The following CHRNA5 variants were observed in gnomAD, a reference collection of about 807,000 sequenced individuals.
CHRNA5 encodes cholinergic receptor nicotinic alpha 5 subunit, also known as neuronal acetylcholine receptor subunit alpha-5.
In CHRNA5, 28 loss-of-function variants were observed where a neutral mutation model predicts 41.2. The ratio of observed to expected loss-of-function variants is 0.68; its 90% confidence interval spans 0.50 to 0.93. The LOEUF is 0.93. Among genes scored for constraint, CHRNA5 ranks in the 40% least tolerant of loss-of-function variants. CHRNA5 has a pLI of 0.00. For missense variants in CHRNA5, 481 were observed against 581.9 expected (o/e 0.83, Z 1.78); for synonymous variants, 188 against 205.8 (o/e 0.91, Z 0.74).
At chr15:78,580,784 A>G in intron 1 of CHRNA5, 27 bp from the exon 2 acceptor site, 1 of 1,588,046 alleles carries the variant, frequency 6.3e-7, no homozygotes, top group Non-Finnish European at 8.6e-7. Context: ...AAGCGAGTAC[A>G]TTAACTTTTA....
intron 1 of CHRNA5, among the ~76,000 whole-genome samples, chr15:78,571,802 G>GA (rs533202234): frequency 3.5e-4 from 53 of 151,840 alleles, no homozygotes; most frequent in Admixed American, 9.8e-4. Flanking sequence ...ATCCTGGAGC[G>GA]AAAAAAATCC....
exon 1 of CHRNA5, chr15:78,565,818 G>A: frequency 1.6e-6 from 2 of 1,221,600 alleles, no homozygotes; most frequent in Non-Finnish European, 2.0e-6. Context: ...CGGGCGGCGC[G>A]CAGAGAGGTA....
intron 2 of CHRNA5, among the ~76,000 whole-genome samples, chr15:78,582,315 A>T (rs1342425541): frequency 6.6e-6 from 1 of 151,984 alleles, no homozygotes; most frequent in Non-Finnish European, 1.5e-5. Context: ...GCAAAACCTC[A>T]TTTCTATCAA....
intron 1 of CHRNA5, 65 bp from the exon 2 acceptor site, chr15:78,580,746 T>G: frequency 7.1e-7 from 1 of 1,416,760 alleles, no homozygotes; most frequent in South Asian, 1.4e-5. Flanking sequence ...GAACTTTTGT[T>G]TGAAAGTACA....
At chr15:78,590,448 C>T (rs570647862) in exon 5 of CHRNA5, 12 of 1,614,094 alleles carry the variant, frequency 7.4e-6, no homozygotes, top group Admixed American at 1.7e-5. Flanking sequence ...GCCTTTGGTC[C>T]GCAAGATATT....
chr15:78,578,966 TAGCATA>T (rs1037080425), intron 1 of CHRNA5, among the ~76,000 whole-genome samples: 1 of 152,082 alleles, frequency 6.6e-6, no homozygotes, highest in Non-Finnish European at 1.5e-5. Flanking sequence ...AGCTCTGTAG[TAGCATA>T]AGCATAACTG....
chr15:78,568,941 G>A (rs1350109525), intron 1 of CHRNA5, among the ~76,000 whole-genome samples: 1 of 151,378 alleles, frequency 6.6e-6, no homozygotes, highest in Non-Finnish European at 1.5e-5. Context: ...AGCTATGAAA[G>A]ATTTTTTTCT....
chr15:78,580,812 A>G, exon 2 of CHRNA5: 1 of 1,610,328 alleles, frequency 6.2e-7, no homozygotes, highest in East Asian at 2.2e-5. Context: ...GTTATACAGG[A>G]TTATCTGAAC....
At chr15:78,565,897 C>G in intron 1 of CHRNA5, 72 bp downstream of exon 1, 1 of 940,172 alleles carries the variant, frequency 1.1e-6, no homozygotes, top group Non-Finnish European at 1.4e-6. Context: ...AGGAAGCCGC[C>G]AGGCGACGGC....
chr15:78,567,247 C>T (rs1489940339), intron 1 of CHRNA5, among the ~76,000 whole-genome samples: 4 of 139,626 alleles, frequency 2.9e-5, no homozygotes, highest in Admixed American at 7.1e-5. Flanking sequence ...AGCGAGACTC[C>T]GTCTCAAAAA....
chr15:78,567,238 GC>G (rs1223002485), intron 1 of CHRNA5, among the ~76,000 whole-genome samples: 1 of 147,786 alleles, frequency 6.8e-6, no homozygotes, highest in Non-Finnish European at 1.5e-5. Context: ...GGGCAACACA[GC>G]GAGACTCCGT....
At chr15:78,591,674 G>T (rs995004409) in intron 5 of CHRNA5, among the ~76,000 whole-genome samples, 2 of 152,010 alleles carry the variant, frequency 1.3e-5, no homozygotes, top group African/African-American at 4.8e-5. Flanking sequence ...ATATGTTAAT[G>T]ATTTAATTTC....
At chr15:78,582,956 A>C (rs1427759872) in intron 2 of CHRNA5, among the ~76,000 whole-genome samples, 1 of 152,214 alleles carries the variant, frequency 6.6e-6, no homozygotes, top group Non-Finnish European at 1.5e-5. Context: ...TTATTATTCA[A>C]GGCCAAATTC....
chr15:78,579,369 T>C (rs2052889318), intron 1 of CHRNA5, among the ~76,000 whole-genome samples: 1 of 152,178 alleles, frequency 6.6e-6, no homozygotes, highest in African/African-American at 2.4e-5. Flanking sequence ...TTCTCCTGCC[T>C]CAGCCTCCCA....
intron 3 of CHRNA5, among the ~76,000 whole-genome samples, chr15:78,586,967 C>T (rs1015050958): frequency 6.6e-6 from 1 of 152,128 alleles, no homozygotes; most frequent in Non-Finnish European, 1.5e-5. Context: ...TAGTATTAGT[C>T]CGTTCTCACA....
chr15:78,577,069 A>G (rs912401584), intron 1 of CHRNA5, among the ~76,000 whole-genome samples: 6 of 152,216 alleles, frequency 3.9e-5, no homozygotes, highest in African/African-American at 1.4e-4. Flanking sequence ...TTGTTAAATG[A>G]ATGAATAAGT....
intron 1 of CHRNA5, 86 bp from the exon 2 acceptor site, chr15:78,580,725 C>T: frequency 8.3e-7 from 1 of 1,197,626 alleles, no homozygotes; most frequent in Non-Finnish European, 1.2e-6. Flanking sequence ...CAACCTTTGC[C>T]TCCTGGGTTT....
At chr15:78,566,827 G>A (rs1221291843) in intron 1 of CHRNA5, among the ~76,000 whole-genome samples, 2 of 141,914 alleles carry the variant, frequency 1.4e-5, no homozygotes, top group Non-Finnish European at 1.5e-5. Flanking sequence ...TTAAACAAAT[G>A]AAGAAAATCC....
intron 1 of CHRNA5, among the ~76,000 whole-genome samples, chr15:78,572,980 A>G (rs762533861): frequency 1.3e-5 from 2 of 152,218 alleles, no homozygotes; most frequent in Non-Finnish European, 2.9e-5. Flanking sequence ...GTGACCACAC[A>G]TTCCTTTTGC....
Sources: allele counts gnomAD v4.1 joint callset (sites outside exome capture counted in the v4.1 genomes callset), GRCh38; gene constraint gnomAD v4.1.1; transcripts MANE v1.5; gene names NCBI Gene and HGNC (gene_info 2026-07-23, HGNC 2026-07-21).